Variants in NOVA1 observed in about 807,000 individuals in gnomAD.
The protein encoded by NOVA1 is RNA-binding protein Nova-1.
Under a neutral mutation model 38.0 loss-of-function variants are expected in NOVA1, and 7 were observed. The ratio of observed to expected loss-of-function variants is 0.18; its 90% CI spans 0.10 to 0.35. The LOEUF (loss-of-function observed/expected upper bound fraction) is 0.35. Among genes scored for constraint, NOVA1 ranks in the 10% least tolerant of loss-of-function variants. The probability of loss-of-function intolerance (pLI) is 1.00; values close to 1 mark genes in which losing one functional copy is unlikely to be tolerated. For synonymous variants in NOVA1, 270 were observed against 232.5 expected (o/e 1.16, Z -1.47); for missense variants, 460 against 616.0 (o/e 0.75, Z 2.68).
chr14:26,492,042 C>T (rs1222422733), intron 2 of NOVA1, among the ~76,000 whole-genome samples: 4 of 151,678 alleles, frequency 2.6e-5, no homozygotes, highest in Non-Finnish European at 5.9e-5. Flanking sequence ...ATTTTAACAA[C>T]ATTAAGTGTA....
chr14:26,479,933 T>A, intron 3 of NOVA1, 44 bp downstream of exon 3: 1 of 1,596,978 alleles, frequency 6.3e-7, no homozygotes, highest in Non-Finnish European at 8.6e-7. Context: ...GAACTTATAC[T>A]ATGCTGTGGA....
intron 2 of NOVA1, among the ~76,000 whole-genome samples, chr14:26,552,318 T>C (rs1056899362): frequency 1.7e-4 from 26 of 152,054 alleles, no homozygotes; most frequent in African/African-American, 5.8e-4. Context: ...TGTTAAGGAA[T>C]TTTCGAATGT....
intron 2 of NOVA1, chr14:26,593,418 T>C (rs1422140489): frequency 1.3e-5 from 2 of 151,930 alleles, no homozygotes; most frequent in African/African-American, 4.8e-5. Flanking sequence ...AATTGTATTT[T>C]AATACAAACT....
chr14:26,463,783 T>C lies in NOVA1; in HGVS notation c.519+8537A>G, dbSNP rs892023444. ...TCTTACAGTTTCAATCTTGAATGCA[T>C]TGGGATTTATTTCTGCATATCGTCT... On this transcript the variant is annotated intron_variant, in intron 4 of 4. Transcript: ENST00000539517. Among the ~76,000 whole-genome samples, 12 of 152,202 alleles carry C rather than the reference T, an allele frequency of 7.9e-5. 1 individual carries two copies. The highest frequency in any genetic ancestry group is 4.1e-4 in the South Asian group (2 of 4,834).
At chr14:26,492,457 G>C (rs1220066597) in intron 2 of NOVA1, among the ~76,000 whole-genome samples, 1 of 152,124 alleles carries the variant, frequency 6.6e-6, no homozygotes, top group African/African-American at 2.4e-5. Flanking sequence ...AAAGCTTTCA[G>C]TCTTCACTAT....
chr14:26,462,927 A>G (rs1265108623), intron 4 of NOVA1, among the ~76,000 whole-genome samples: 1 of 152,202 alleles, frequency 6.6e-6, no homozygotes, highest in Non-Finnish European at 1.5e-5. Flanking sequence ...AAGTAGAGAT[A>G]TAAGAAGGGA....
chr14:26,523,014 T>A (rs1345272194), intron 2 of NOVA1, among the ~76,000 whole-genome samples: 2 of 152,156 alleles, frequency 1.3e-5, no homozygotes, highest in Admixed American at 1.3e-4. Flanking sequence ...TCCGTAGTTG[T>A]TCCAAGCAGA....
chr14:26,473,198 CTA>C (rs1264437211), intron 3 of NOVA1, among the ~76,000 whole-genome samples: 1 of 150,906 alleles, frequency 6.6e-6, no homozygotes, highest in Non-Finnish European at 1.5e-5. Context: ...TATACACTTA[CTA>C]TATATATATA....
intron 2 of NOVA1, among the ~76,000 whole-genome samples, chr14:26,491,010 C>T (rs529549714): frequency 2.4e-4 from 36 of 151,878 alleles, no homozygotes; most frequent in Non-Finnish European, 4.0e-4. Context: ...CCACCACGCC[C>T]GGATAATTTT....
At chr14:26,545,183 C>T (rs1890715031) in intron 2 of NOVA1, among the ~76,000 whole-genome samples, 1 of 151,872 alleles carries the variant, frequency 6.6e-6, no homozygotes, top group Non-Finnish European at 1.5e-5. Context: ...GTAGAGGAAA[C>T]AGACAAGTAC....
intron 2 of NOVA1, among the ~76,000 whole-genome samples, chr14:26,492,695 C>T (rs537776404): frequency 9.3e-4 from 141 of 152,208 alleles, no homozygotes; most frequent in African/African-American, 3.3e-3. Context: ...CGGCTGGGCA[C>T]GGTGGTTCAC....
intron 2 of NOVA1, among the ~76,000 whole-genome samples, chr14:26,594,980 A>G (rs1894093509): frequency 6.6e-6 from 1 of 152,128 alleles, no homozygotes; most frequent in South Asian, 2.1e-4. Context: ...AAAGAGGTAC[A>G]TAATGGATTC....
At chr14:26,579,337 G>A (rs977810062) in intron 2 of NOVA1, among the ~76,000 whole-genome samples, 1 of 152,154 alleles carries the variant, frequency 6.6e-6, no homozygotes, top group Non-Finnish European at 1.5e-5. Context: ...TTGCAGGCAT[G>A]AGCCATGGTG....
chr14:26,472,141 A>G, intron 4 of NOVA1, 179 bp downstream of exon 4: 6 of 520,588 alleles, frequency 1.2e-5, no homozygotes, highest in Non-Finnish European at 2.1e-5. Context: ...ATCTAAAATT[A>G]AAAATGCATA....
At position 26,595,853 on chromosome 14, in the gene NOVA1, T is replaced by C. The variant is rs182186189; in HGVS notation, c.137-300A>G. The C allele has an allele frequency of 4.9e-4, 171 of 345,902 alleles. 3 individuals are homozygous for C. The highest frequency in any genetic ancestry group is 2.3e-3 in the Middle Eastern group (5 of 2,200). The allele number at this position is 345,902 out of a possible 1,614,324, so 21.4% of individuals were successfully genotyped here. ...TAAATTCCAGTTGTTATTCCAAACA[T>C]GGAAATCTTCCAATTCTATCTGTGG... On this transcript the variant is annotated intron_variant, in intron 1 of 4. Coordinates refer to ENST00000539517, the MANE Select transcript of NOVA1 (RefSeq NM_002515.3).
In NOVA1 at chr14:26,572,472, T is replaced by A. The variant is rs569557273; in HGVS notation, c.280+22938A>T. Among the ~76,000 whole-genome samples the A allele has an allele frequency of 4.4e-4, 67 of 152,304 alleles. 1 individual carries two copies. The South Asian group carries it at 8.7e-3, about 20-fold the overall frequency. On this transcript the variant is annotated intron_variant, in intron 2 of 4. Coordinates refer to ENST00000539517, the MANE Select transcript of NOVA1 (RefSeq NM_002515.3). The stretch of plus-strand genomic sequence containing the variant: ...ATTCATATACGCAGTACATACAGAT[T>A]GAGCATCTACTATGTGGAAGACCCT...
chr14:26,524,637 A>C (rs1358597840), intron 2 of NOVA1, among the ~76,000 whole-genome samples: 1 of 152,190 alleles, frequency 6.6e-6, no homozygotes, highest in Non-Finnish European at 1.5e-5. Flanking sequence ...ATAACAAAGA[A>C]TGTCAGAATA....
chr14:26,545,908 G>A (rs1160113098), intron 2 of NOVA1, among the ~76,000 whole-genome samples: 2 of 152,036 alleles, frequency 1.3e-5, no homozygotes, highest in African/African-American at 4.8e-5. Context: ...GCTTAATTCA[G>A]TTAAGATTAA....
chr14:26,541,746 T>G, intron 2 of NOVA1, among the ~76,000 whole-genome samples: 1 of 151,726 alleles, frequency 6.6e-6, no homozygotes, highest in East Asian at 1.9e-4. Context: ...ATGTTTGAAT[T>G]ATTGCAAGGG....
Sources: gnomAD v4.1 joint callset for allele counts (sites outside exome capture counted in the v4.1 genomes callset) on GRCh38, gnomAD v4.1.1 for gene constraint, MANE v1.5 for transcripts, NCBI Gene and HGNC (gene_info 2026-07-23, HGNC 2026-07-21) for gene names.